COL4A5: variants seen among roughly 807,000 people sequenced by gnomAD.
COL4A5 encodes the protein collagen alpha-5(IV) chain.
A neutral mutation model predicts 130.2 loss-of-function variants in COL4A5; 26 were observed. The observed-to-expected ratio is 0.20, with a 90% confidence interval of 0.15 to 0.28. The LOEUF is 0.28. Among genes scored for constraint, COL4A5 ranks in the 10% least tolerant of loss-of-function variants. COL4A5 has a pLI of 1.00. For synonymous variants in COL4A5, 496 were observed against 439.6 expected (o/e 1.13, Z -1.60); for missense variants, 1,131 against 1,344.3 (o/e 0.84, Z 2.48).
chrX:108,630,580 A>G (rs1275478830), intron 36 of COL4A5, among the ~76,000 whole-genome samples: 2 of 111,863 alleles, frequency 1.8e-5, no homozygotes, highest in African/African-American at 3.2e-5. Flanking sequence ...AGTAGATTGC[A>G]AAAATTTTCT....
At chrX:108,680,791 C>G in intron 45 of COL4A5, 40 bp downstream of exon 45, 4 of 1,186,840 alleles carry the variant, frequency 3.4e-6, no homozygotes, top group Non-Finnish European at 4.6e-6. Context: ...TTATATTAAA[C>G]TCCTCTGGGA....
intron 36 of COL4A5, among the ~76,000 whole-genome samples, chrX:108,651,328 T>C (rs2067723994): frequency 8.9e-6 from 1 of 112,289 alleles, no homozygotes; most frequent in African/African-American, 3.2e-5. Flanking sequence ...AATTGTACGG[T>C]ATATAAATTA....
chrX:108,526,000 G>A (rs971387091), intron 1 of COL4A5, among the ~76,000 whole-genome samples: 3 of 111,933 alleles, frequency 2.7e-5, no homozygotes, highest in African/African-American at 9.8e-5. Context: ...TTATGAGTTA[G>A]GGCTGTGTGG....
chrX:108,480,007 G>A lies in COL4A5; in HGVS notation c.81+39801G>A, dbSNP rs376277805. On this transcript the variant is annotated intron_variant, in intron 1 of 52. Transcript: ENST00000328300. ...CCAAACAGCATCCCTATCTGCCACT[G>A]ATAGCTCAAGCACAATTGGATCTGC... 6.3e-4 allele frequency among the ~76,000 whole-genome samples: 71 copies of A among 111,880 alleles called. 1 individual carries two copies. The highest frequency in any genetic ancestry group is 2.2e-3 in the African/African-American group (68 of 30,833).
At chrX:108,575,793 T>C (rs2066135903) in intron 9 of COL4A5, 117 bp from the exon 10 acceptor site, 1 of 517,779 alleles carries the variant, frequency 1.9e-6, no homozygotes, top group African/African-American at 2.3e-5. Flanking sequence ...GTTGAGATCA[T>C]GCCATTGCAC....
chrX:108,566,790 C>T (rs766127456), intron 4 of COL4A5, among the ~76,000 whole-genome samples: 23 of 111,005 alleles, frequency 2.1e-4, no homozygotes, highest in African/African-American at 6.5e-4. Flanking sequence ...ACCTCGTGAT[C>T]CACCCGCCTC....
chrX:108,625,839 G>C, intron 35 of COL4A5, 45 bp downstream of exon 35: 3 of 972,685 alleles, frequency 3.1e-6, no homozygotes, highest in Non-Finnish European at 4.4e-6. Flanking sequence ...ATTAATGAAA[G>C]GTGGTTCAAT....
chrX:108,696,192 A>G lies in COL4A5; in HGVS notation c.4995-105A>G, dbSNP rs1409144593. The stretch of plus-strand genomic sequence containing the variant: ...AAAAGTAAACCATTAAGTCACCAAG[A>G]GAGCTACTTAACACACAAAAAATGT... On this transcript the variant is annotated intron_variant, in intron 52 of 52. Coordinates refer to ENST00000328300, the MANE Select transcript of COL4A5 (RefSeq NM_033380.3). 9 of 638,821 alleles carry G rather than the reference A, an allele frequency of 1.4e-5. No individual in the cohort carries two copies. The African/African-American group carries it at 2.0e-4, about 14-fold the overall frequency. 52.6% of individuals were successfully genotyped at this position (638,821 alleles called of 1,213,427 possible). A position where few individuals can be genotyped will look rare whatever the true frequency, so the allele number is the denominator to read the frequency against.
At chrX:108,494,502 T>A (rs1265209880) in intron 1 of COL4A5, among the ~76,000 whole-genome samples, 2 of 111,876 alleles carry the variant, frequency 1.8e-5, no homozygotes, top group African/African-American at 6.5e-5. Context: ...TTTTAACACA[T>A]ATGTCATACC....
intron 1 of COL4A5, among the ~76,000 whole-genome samples, chrX:108,470,876 T>A (rs1208985811): frequency 8.9e-6 from 1 of 112,067 alleles, no homozygotes; most frequent in Non-Finnish European, 1.9e-5. Flanking sequence ...TAGTCAGTTA[T>A]CACAGCACCA....
intron 1 of COL4A5, among the ~76,000 whole-genome samples, chrX:108,524,290 G>A (rs1318834181): frequency 9.0e-6 from 1 of 111,285 alleles, no homozygotes; most frequent in Non-Finnish European, 1.9e-5. Flanking sequence ...ATTAAGTATA[G>A]CGTTAGCTGT....
At chrX:108,669,355 C>T (rs1379870668) in intron 41 of COL4A5, among the ~76,000 whole-genome samples, 2 of 111,996 alleles carry the variant, frequency 1.8e-5, no homozygotes, top group African/African-American at 6.5e-5. Flanking sequence ...TATATAAGTG[C>T]ATTTCAAAAT....
Position 108,580,693 on chromosome X carries a change from T to G in COL4A5, c.846T>G (p.Gly282=), listed in dbSNP as rs1344284800. 3.3e-6 allele frequency: 4 copies of G among 1,208,393 alleles called. No homozygotes were observed. Among genetic ancestry groups the G allele is most frequent in the Non-Finnish European group, 4.5e-6 (4 of 894,343 alleles). The change falls in exon 15 of 53, where the codon GGT becomes GGG. Residue 282 remains glycine, a synonymous_variant. Transcript: ENST00000328300. ...PGIRGPPGPP[G]GEKGEKGEQG... ...TTTTATGTGTACAGGGTCCCCCAGGTGGTGAGAAAGGTGAGAAGGGTGAGC... is the reference window on the plus strand; with the variant it reads ...TTTTATGTGTACAGGGTCCCCCAGGGGGTGAGAAAGGTGAGAAGGGTGAGC...
intron 43 of COL4A5, chrX:108,677,141 C>T (rs2068318729): frequency 1.7e-5 from 2 of 116,808 alleles, no homozygotes; most frequent in Admixed American, 1.8e-4. Flanking sequence ...CTGATGCATG[C>T]TCCAATTTGA....
intron 32 of COL4A5, 66 bp downstream of exon 32, chrX:108,621,958 A>G (rs2067062512): frequency 2.4e-6 from 2 of 820,454 alleles, no homozygotes; most frequent in South Asian, 2.2e-5. Context: ...TTATGTCAGT[A>G]CAGAATATTT....
intron 1 of COL4A5, among the ~76,000 whole-genome samples, chrX:108,505,941 T>A (rs1377436732): frequency 1.8e-5 from 2 of 112,416 alleles, no homozygotes; most frequent in East Asian, 5.6e-4. Flanking sequence ...ATGAACTGGT[T>A]CCCCATCATC....
intron 47 of COL4A5, 82 bp from the exon 48 acceptor site, chrX:108,685,949 C>A: frequency 1.2e-6 from 1 of 836,391 alleles, no homozygotes; most frequent in South Asian, 2.1e-5. Context: ...AATTCAGTGT[C>A]TCGAGAACCT....
intron 1 of COL4A5, among the ~76,000 whole-genome samples, chrX:108,473,633 A>ATATATATATATTTTTTT: frequency 0.01 from 352 of 34,526 alleles, 17 homozygotes; most frequent in Non-Finnish European, 0.017. Flanking sequence ...ATATATATAT[A>ATATATATATATTTTTTT]TTTTTTTTTT....
intron 37 of COL4A5, among the ~76,000 whole-genome samples, chrX:108,664,728 C>A (rs1388650910): frequency 8.9e-6 from 1 of 111,784 alleles, no homozygotes; most frequent in Non-Finnish European, 1.9e-5. Context: ...GATGTATTAT[C>A]CAATTTTGAA....
Sources: allele counts gnomAD v4.1 joint callset (sites outside exome capture counted in the v4.1 genomes callset), GRCh38; gene constraint gnomAD v4.1.1; transcripts MANE v1.5; gene names NCBI Gene and HGNC (gene_info 2026-07-23, HGNC 2026-07-21).